The following INVS variants were observed in gnomAD, a reference collection of about 807,000 sequenced individuals.
INVS encodes the protein inversin, also known as inversion of embryo turning homolog.
Under a neutral mutation model 108.8 loss-of-function variants are expected in INVS, and 86 were observed. That is an observed-to-expected ratio of 0.79 (90% CI 0.66 to 0.95). The LOEUF (loss-of-function observed/expected upper bound fraction) is 0.95, where lower values mean the gene tolerates loss of function less well. Among genes scored for constraint, INVS ranks in the 40% least tolerant of loss-of-function variants. INVS has a pLI of 0.00. For missense variants in INVS, 1,169 were observed against 1,297.4 expected, an observed-to-expected ratio of 0.90 and a Z score of 1.52; for synonymous variants, 455 against 473.5, an observed-to-expected ratio of 0.96 and a Z score of 0.51.
In INVS at chr9:100,229,832, G is replaced by T; in HGVS notation, c.615+5G>T. ...CACACAGTGAGATGCATTCTGGTGA[G>T]TTGAATGGTACTGCTAGACCTGAAT... On this transcript the variant is annotated splice_donor_5th_base_variant and intron_variant, in intron 5 of 16. Coordinates refer to ENST00000262457, the MANE Select transcript of INVS (RefSeq NM_014425.5). 1 of 1,613,962 alleles carries T rather than the reference G, an allele frequency of 6.2e-7. No homozygotes were observed. The highest frequency in any genetic ancestry group is 1.1e-5 in the South Asian group (1 of 91,066).
chr9:100,200,221 A>G (rs1223902242), intron 3 of INVS, among the ~76,000 whole-genome samples: 5 of 152,046 alleles, frequency 3.3e-5, no homozygotes, highest in Non-Finnish European at 5.9e-5. Flanking sequence ...TAAGTCTTTG[A>G]CCATATTTAT....
chr9:100,274,853 T>C (rs1343590357), intron 12 of INVS, among the ~76,000 whole-genome samples: 1 of 152,188 alleles, frequency 6.6e-6, no homozygotes, highest in Non-Finnish European at 1.5e-5. Context: ...CGAATGTTTC[T>C]AAATCTTGAG....
chr9:100,254,976 G>A (rs1455564151), intron 10 of INVS, among the ~76,000 whole-genome samples: 1 of 152,120 alleles, frequency 6.6e-6, no homozygotes, highest in Non-Finnish European at 1.5e-5. Context: ...AGCTTGATGG[G>A]GATGGCATTG....
intron 10 of INVS, among the ~76,000 whole-genome samples, chr9:100,264,359 T>C (rs1832718637): frequency 1.3e-5 from 2 of 152,214 alleles, no homozygotes; most frequent in Admixed American, 1.3e-4. Context: ...GGCTCACGCC[T>C]GTAATCCCAG....
chr9:100,185,389 C>G (rs1830022950), intron 3 of INVS, among the ~76,000 whole-genome samples: 1 of 151,292 alleles, frequency 6.6e-6, no homozygotes, highest in Admixed American at 6.6e-5. Context: ...CAGTCACCAC[C>G]TCCATGGTTA....
intron 3 of INVS, among the ~76,000 whole-genome samples, chr9:100,153,044 C>G (rs58630229): frequency 0.21 from 31,812 of 151,340 alleles, 5,681 homozygotes; most frequent in African/African-American, 0.49. Flanking sequence ...CAGGTGCACA[C>G]AGGTGCATGC....
At chr9:100,139,952 A>G (rs1015490306) in intron 3 of INVS, among the ~76,000 whole-genome samples, 1 of 152,130 alleles carries the variant, frequency 6.6e-6, no homozygotes, top group Admixed American at 6.5e-5. Flanking sequence ...CAAAATAACC[A>G]CTTTAAAGTG....
intron 7 of INVS, among the ~76,000 whole-genome samples, 200 bp downstream of exon 7, chr9:100,242,879 A>G (rs1433584223): frequency 6.6e-6 from 1 of 152,170 alleles, no homozygotes; most frequent in African/African-American, 2.4e-5. Context: ...CTCTAATGAT[A>G]ACATCCAATA....
chr9:100,202,322 T>C (rs1429384829), intron 3 of INVS, among the ~76,000 whole-genome samples: 1 of 152,142 alleles, frequency 6.6e-6, no homozygotes, highest in Non-Finnish European at 1.5e-5. Context: ...CATGGAGGAA[T>C]TGAAATTTCA....
intron 3 of INVS, among the ~76,000 whole-genome samples, chr9:100,213,697 A>G (rs1010193808): frequency 6.6e-6 from 1 of 152,190 alleles, no homozygotes; most frequent in African/African-American, 2.4e-5. Context: ...CACCACGTCT[A>G]TGCTTCCCTT....
At chr9:100,187,525 C>CTTTTTTTTTTTTTTTG (rs1830088710) in intron 3 of INVS, among the ~76,000 whole-genome samples, 1 of 105,564 alleles carries the variant, frequency 9.5e-6, no homozygotes, top group African/African-American at 4.4e-5. Context: ...TCTATGATTT[C>CTTTTTTTTTTTTTTTG]TTTTTTTTTT....
At chr9:100,129,642 A>G (rs1827996749) in intron 3 of INVS, 1 of 648,286 alleles carries the variant, frequency 1.5e-6, no homozygotes, top group South Asian at 1.9e-5. Context: ...AAATCTGTAA[A>G]AACTGAATAA....
chr9:100,247,298 A>G (rs1005275317), intron 8 of INVS, among the ~76,000 whole-genome samples: 1 of 152,162 alleles, frequency 6.6e-6, no homozygotes, highest in African/African-American at 2.4e-5. Context: ...AGATGCTTCA[A>G]AGCTTCAAAT....
At chr9:100,190,205 G>T (rs1830179930) in intron 3 of INVS, among the ~76,000 whole-genome samples, 1 of 151,818 alleles carries the variant, frequency 6.6e-6, no homozygotes, top group South Asian at 2.1e-4. Context: ...AGCTACTCTT[G>T]CCTGCTTTTG....
At chr9:100,296,889 A>G in intron 14 of INVS, 28 bp from the exon 15 acceptor site, 2 of 1,568,742 alleles carry the variant, frequency 1.3e-6, no homozygotes, top group Non-Finnish European at 1.8e-6. Context: ...GTGATCTTAA[A>G]GCCTCTCCTC....
chr9:100,242,161 G>A (rs1831894727), intron 6 of INVS, among the ~76,000 whole-genome samples: 1 of 152,190 alleles, frequency 6.6e-6, no homozygotes, highest in African/African-American at 2.4e-5. Context: ...GAACAGTTAT[G>A]CAGTTCTGTT....
chr9:100,201,334 G>A (rs1830524304), intron 3 of INVS, among the ~76,000 whole-genome samples: 2 of 152,154 alleles, frequency 1.3e-5, no homozygotes, highest in Admixed American at 6.5e-5. Context: ...TATTATCCTG[G>A]TTAGCAAACA....
chr9:100,152,984 G>C (rs964193980), intron 3 of INVS, among the ~76,000 whole-genome samples: 3 of 150,190 alleles, frequency 2.0e-5, no homozygotes, highest in African/African-American at 7.5e-5. Flanking sequence ...TTATTTCAGT[G>C]TTGTACAGAT....
intron 11 of INVS, among the ~76,000 whole-genome samples, chr9:100,268,240 A>C (rs1278922763): frequency 6.6e-6 from 1 of 152,178 alleles, no homozygotes; most frequent in East Asian, 1.9e-4. Context: ...TAAAAAAAAG[A>C]TTATGGGGAG....
Sources: allele counts gnomAD v4.1 joint callset (sites outside exome capture counted in the v4.1 genomes callset), GRCh38; gene constraint gnomAD v4.1.1; transcripts MANE v1.5; gene names NCBI Gene and HGNC (gene_info 2026-07-23, HGNC 2026-07-21).